RSPRY1: variants seen among roughly 807,000 people sequenced by gnomAD.
RSPRY1 encodes ring finger and SPRY domain containing 1, also known as RING finger and SPRY domain-containing protein 1.
Under a neutral mutation model 73.1 loss-of-function variants are expected in RSPRY1, and 23 were observed. That is an observed-to-expected ratio of 0.31 (90% CI 0.23 to 0.45). The LOEUF is 0.45. Ranked by LOEUF, RSPRY1 falls within the 20% of genes least tolerant of loss-of-function variation. The pLI is 1.00. For missense variants in RSPRY1, 448 were observed against 698.7 expected (o/e 0.64, Z 4.05); for synonymous variants, 226 against 251.4 (o/e 0.90, Z 0.95).
rs888261562 is a variant in RSPRY1 at position 57,233,381 on chromosome 16, T to A, written c.1530-1743T>A. Among the ~76,000 whole-genome samples the A allele has an allele frequency of 2.6e-5, 4 of 152,180 alleles. No individual in the cohort carries two copies. In the South Asian group the frequency reaches 8.3e-4, roughly 32 times the overall value. ...CTCATCTCTGTTTTTTTAATTTTTA[T>A]TTTTTATTTTTTGAGACAGGGTCTC... is the stretch of plus-strand genomic sequence containing the variant. On this transcript the variant is annotated intron_variant, in intron 13 of 14. Transcript: ENST00000394420.
At chr16:57,198,571 C>T (rs1321170056) in intron 1 of RSPRY1, among the ~76,000 whole-genome samples, 1 of 152,162 alleles carries the variant, frequency 6.6e-6, no homozygotes, top group African/African-American at 2.4e-5. Flanking sequence ...TATGTGTTGG[C>T]ATTAAATTGT....
At chr16:57,202,712 C>T (rs1567491663) in intron 1 of RSPRY1, among the ~76,000 whole-genome samples, 1 of 152,114 alleles carries the variant, frequency 6.6e-6, no homozygotes, top group Non-Finnish European at 1.5e-5. Context: ...CCAAGAACAT[C>T]TGTGGTATCA....
intron 3 of RSPRY1, 119 bp downstream of exon 3, chr16:57,208,229 A>G: frequency 1.7e-6 from 1 of 601,812 alleles, no homozygotes. Context: ...AATACAGCAT[A>G]CATAACAATG....
chr16:57,202,878 T>TTATATA (rs55701001), intron 1 of RSPRY1, among the ~76,000 whole-genome samples: 2,300 of 131,488 alleles, frequency 0.017, 39 homozygotes, highest in South Asian at 0.043. Flanking sequence ...TTACATATGA[T>TTATATA]TATATATATA....
intron 1 of RSPRY1, among the ~76,000 whole-genome samples, chr16:57,198,519 C>G (rs1442113449): frequency 6.6e-6 from 1 of 152,192 alleles, no homozygotes; most frequent in African/African-American, 2.4e-5. Context: ...TCCTCACAGG[C>G]ACCCCCAAGA....
At chr16:57,213,851 A>C in intron 5 of RSPRY1, 37 bp from the exon 6 acceptor site, 1 of 1,426,738 alleles carries the variant, frequency 7.0e-7, no homozygotes, top group Non-Finnish European at 9.9e-7. Context: ...ATAATCTGGC[A>C]TTTTAATTAT....
At chr16:57,215,125 C>G (rs1441800613) in intron 6 of RSPRY1, among the ~76,000 whole-genome samples, 1 of 151,928 alleles carries the variant, frequency 6.6e-6, no homozygotes, top group African/African-American at 2.4e-5. Context: ...GGACCCTCAG[C>G]TGGGTCATGC....
In RSPRY1 at chr16:57,231,274, A is replaced by G; in HGVS notation, c.1484A>G (p.Asn495Ser). 1 of 1,613,916 alleles carries G rather than the reference A, an allele frequency of 6.2e-7. No individual in the cohort carries two copies. Among genetic ancestry groups the G allele is most frequent in the Non-Finnish European group, 8.5e-7 (1 of 1,179,966 alleles). Residue 495 changes from asparagine (N) to serine (S), a missense_variant, in exon 13 of 15, where the codon AAT becomes AGT. Transcript: ENST00000394420. ...CCATCTATGAAATTTAGCACTTTTAATGACTACGCCTTCCTAACAGCTGAA... is the reference window on the plus strand; with the variant it reads ...CCATCTATGAAATTTAGCACTTTTAGTGACTACGCCTTCCTAACAGCTGAA... Reference protein sequence around the residue: ...YPPSMKFSTFNDYAFLTAEEK... With the variant: ...YPPSMKFSTFSDYAFLTAEEK...
intron 1 of RSPRY1, among the ~76,000 whole-genome samples, chr16:57,200,220 G>C (rs1597864016): frequency 6.7e-6 from 1 of 148,412 alleles, no homozygotes; most frequent in East Asian, 2.0e-4. Context: ...ACAGGGTTGG[G>C]GGTAAGGTCA....
intron 1 of RSPRY1, among the ~76,000 whole-genome samples, chr16:57,195,595 C>T (rs1209340979): frequency 6.6e-6 from 1 of 150,854 alleles, no homozygotes; most frequent in African/African-American, 2.4e-5. Flanking sequence ...TAAGCACTGG[C>T]ATCCAGTGAT....
intron 4 of RSPRY1, among the ~76,000 whole-genome samples, chr16:57,209,666 C>T (rs1454391370): frequency 3.3e-5 from 5 of 152,048 alleles, no homozygotes; most frequent in Admixed American, 2.6e-4. Flanking sequence ...TGCACCCAGC[C>T]CTCTGTCTTT....
At chr16:57,188,219 G>A (rs189962153) in intron 1 of RSPRY1, among the ~76,000 whole-genome samples, 126 of 152,308 alleles carry the variant, frequency 8.3e-4, no homozygotes, top group African/African-American at 2.9e-3. Flanking sequence ...TTCCTGGGAT[G>A]GTATCTTGCT....
Position 57,194,572 on chromosome 16 carries a change from G to A in RSPRY1, c.-156+8121G>A, listed in dbSNP as rs543405014. Among the ~76,000 whole-genome samples the A allele has an allele frequency of 3.3e-5, 5 of 152,238 alleles. No homozygotes were observed. The South Asian group carries it at 8.3e-4, about 25-fold the overall frequency. On this transcript the variant is annotated intron_variant, in intron 1 of 14. Coordinates refer to ENST00000394420, the MANE Select transcript of RSPRY1 (RefSeq NM_133368.3). The stretch of plus-strand genomic sequence containing the variant: ...GCTATTTGACTTAGCCTTTGTGGGG[G>A]AGGGTTGGAAAAAAAGTCACATCCT...
At chr16:57,237,679 ATTTT>A (rs202031312) in intron 14 of RSPRY1, among the ~76,000 whole-genome samples, 1 of 151,654 alleles carries the variant, frequency 6.6e-6, no homozygotes, top group South Asian at 2.1e-4. Context: ...GTATCTCTTT[ATTTT>A]TTTATTTTTA....
intron 6 of RSPRY1, among the ~76,000 whole-genome samples, chr16:57,215,715 C>G (rs929527006): frequency 1.3e-5 from 2 of 152,070 alleles, no homozygotes; most frequent in African/African-American, 4.8e-5. Flanking sequence ...TTTTAGGATT[C>G]TAAGTAAAAT....
intron 1 of RSPRY1, among the ~76,000 whole-genome samples, chr16:57,200,664 GA>G (rs1567488541): frequency 7.8e-5 from 9 of 115,482 alleles, no homozygotes; most frequent in East Asian, 5.5e-4. Flanking sequence ...GCGGGGGGCT[GA>G]CCCCCCCACC....
intron 10 of RSPRY1, among the ~76,000 whole-genome samples, chr16:57,224,178 G>A (rs1204895248): frequency 2.6e-5 from 4 of 152,178 alleles, no homozygotes; most frequent in African/African-American, 7.2e-5. Context: ...TTAGGGAAAC[G>A]ATCTGGCCAG....
At position 57,220,753 on chromosome 16, in the gene RSPRY1, T is replaced by A. The variant is rs1490947746; in HGVS notation, c.923T>A (p.Leu308Gln). The change falls in exon 9 of 15, where the codon CTG (leucine) becomes CAG (glutamine). Residue 308 changes from leucine to glutamine, a missense_variant. Leu to Gln is a moderately radical substitution (Grantham distance 113). Coordinates refer to ENST00000394420, the MANE Select transcript of RSPRY1 (RefSeq NM_133368.3). ...DNLFLKEGRQLTYEKVNLSSI... is the reference protein window; with the variant it reads ...DNLFLKEGRQQTYEKVNLSSI... The stretch of plus-strand genomic sequence containing the variant: ...GCAGTTTTAAAAGAAGGTAGACAGC[T>A]GACCTATGAGAAAGTGAACTTGAGT... 6 of 1,612,906 alleles carry A rather than the reference T, an allele frequency of 3.7e-6. No homozygotes were observed. Among genetic ancestry groups the A allele is most frequent in the Non-Finnish European group, 5.1e-6 (6 of 1,178,970 alleles).
At chr16:57,207,768 G>A in intron 2 of RSPRY1, 1 of 500,516 alleles carries the variant, frequency 2.0e-6, no homozygotes, top group African/African-American at 1.9e-5. Context: ...AGTAGGCTGT[G>A]ATCTCCAGTT....
Sources: allele counts gnomAD v4.1 joint callset (sites outside exome capture counted in the v4.1 genomes callset), GRCh38; gene constraint gnomAD v4.1.1; transcripts MANE v1.5; gene names NCBI Gene and HGNC (gene_info 2026-07-23, HGNC 2026-07-21).